Variants in SGCZ observed in about 807,000 individuals in gnomAD.
SGCZ encodes the protein sarcoglycan zeta.
In SGCZ, 40 loss-of-function variants were observed where a neutral mutation model predicts 41.3. The ratio of observed to expected loss-of-function variants is 0.97; its 90% CI spans 0.75 to 1.26. The LOEUF (loss-of-function observed/expected upper bound fraction) is 1.26. Ranked by LOEUF, SGCZ falls within the 50% of genes most tolerant of loss-of-function variation. SGCZ has a pLI of 0.00. For synonymous variants in SGCZ, 206 were observed against 137.5 expected, an observed-to-expected ratio of 1.50 and a Z score of -3.49; for missense variants, 552 against 369.8, an observed-to-expected ratio of 1.49 and a Z score of -4.04.
intron 1 of SGCZ, among the ~76,000 whole-genome samples, chr8:14,816,891 C>T (rs937370901): frequency 1.3e-5 from 2 of 152,160 alleles, no homozygotes; most frequent in Non-Finnish European, 2.9e-5. Context: ...TCCATGTCTG[C>T]ACTTATCAAT....
chr8:14,725,148 T>G (rs561749884), intron 1 of SGCZ, among the ~76,000 whole-genome samples: 19 of 152,298 alleles, frequency 1.2e-4, no homozygotes, highest in Admixed American at 2.6e-4. Flanking sequence ...GCTGTCCAAT[T>G]CCATCCATGG....
chr8:14,322,238 C>T (rs1801945715), intron 3 of SGCZ, among the ~76,000 whole-genome samples: 3 of 152,052 alleles, frequency 2.0e-5, no homozygotes, highest in African/African-American at 4.8e-5. Context: ...AATGTGCCTG[C>T]CCATGCTTCC....
chr8:14,505,992 A>T (rs921834827), intron 2 of SGCZ, among the ~76,000 whole-genome samples: 2 of 152,028 alleles, frequency 1.3e-5, no homozygotes, highest in Non-Finnish European at 2.9e-5. Flanking sequence ...CAAACTTCCA[A>T]ACATACTTTC....
chr8:14,964,791 C>A (rs997989054), intron 1 of SGCZ, among the ~76,000 whole-genome samples: 6 of 152,096 alleles, frequency 3.9e-5, no homozygotes, highest in African/African-American at 9.7e-5. Context: ...TCCCATAGTT[C>A]TGAATGAGGA....
rs10108151 is a variant in SGCZ, at chr8:14,281,014, A to G, written c.336+43089T>C. Among the ~76,000 whole-genome samples, 15 of 151,646 alleles carry G rather than the reference A, an allele frequency of 9.9e-5. No homozygotes were observed. The South Asian group carries it at 1.9e-3, about 19-fold the overall frequency. Reference sequence around the variant, plus strand: ...ATAGCATTTCAGATCAGACAAATTTATTTCCCTGCTAATCTATATACTTCA... The same window carrying G: ...ATAGCATTTCAGATCAGACAAATTTGTTTCCCTGCTAATCTATATACTTCA... On this transcript the variant is annotated intron_variant, in intron 3 of 7. Coordinates refer to ENST00000382080, the MANE Select transcript of SGCZ (RefSeq NM_139167.4).
intron 1 of SGCZ, among the ~76,000 whole-genome samples, chr8:14,945,802 G>C (rs998927049): frequency 2.0e-5 from 3 of 150,620 alleles, no homozygotes; most frequent in African/African-American, 7.3e-5. Flanking sequence ...CCAGCCTTTG[G>C]ACTCAGGAAC....
intron 1 of SGCZ, among the ~76,000 whole-genome samples, chr8:14,645,384 T>C (rs1484458304): frequency 6.7e-6 from 1 of 149,752 alleles, no homozygotes; most frequent in Non-Finnish European, 1.5e-5. Context: ...TAACACATGC[T>C]GGCGTCCTCT....
chr8:14,102,591 A>G (rs776360527), intron 6 of SGCZ, 92 bp from the exon 7 acceptor site: 143 of 1,141,864 alleles, frequency 1.3e-4, no homozygotes, highest in Non-Finnish European at 1.5e-4. Context: ...CTAGAAGACA[A>G]CATTGGTCAA....
chr8:15,137,585 G>A (rs1563145280), intron 1 of SGCZ, among the ~76,000 whole-genome samples: 1 of 152,282 alleles, frequency 6.6e-6, no homozygotes, highest in East Asian at 1.9e-4. Flanking sequence ...TGTCCCAGAT[G>A]CTCCAGACTT....
intron 1 of SGCZ, among the ~76,000 whole-genome samples, chr8:14,838,683 G>A (rs1802789859): frequency 6.6e-6 from 1 of 152,094 alleles, no homozygotes; most frequent in African/African-American, 2.4e-5. Flanking sequence ...GACCAAAACT[G>A]GACCCTTTCC....
chr8:15,007,040 G>C (rs1802629264), intron 1 of SGCZ, among the ~76,000 whole-genome samples: 2 of 152,158 alleles, frequency 1.3e-5, no homozygotes, highest in African/African-American at 4.8e-5. Context: ...TTAGTACTTA[G>C]ACTAGTATAT....
intron 1 of SGCZ, among the ~76,000 whole-genome samples, chr8:14,909,680 G>T (rs920708141): frequency 2.0e-5 from 3 of 151,922 alleles, no homozygotes; most frequent in African/African-American, 7.3e-5. Context: ...TTAATTATAA[G>T]GCATAGTTCT....
chr8:14,632,535 C>A (rs1164244815), intron 1 of SGCZ, among the ~76,000 whole-genome samples: 1 of 152,004 alleles, frequency 6.6e-6, no homozygotes, highest in Non-Finnish European at 1.5e-5. Flanking sequence ...AAATGTGTAT[C>A]CCTACATTGA....
At chr8:14,914,744 T>C (rs1799377096) in intron 1 of SGCZ, among the ~76,000 whole-genome samples, 1 of 152,182 alleles carries the variant, frequency 6.6e-6, no homozygotes, top group South Asian at 2.1e-4. Context: ...AAACAGATGT[T>C]CCACAAATAC....
intron 2 of SGCZ, among the ~76,000 whole-genome samples, chr8:14,441,442 G>T (rs1800261540): frequency 6.6e-6 from 1 of 152,120 alleles, no homozygotes; most frequent in Non-Finnish European, 1.5e-5. Flanking sequence ...GGGCGTGGTG[G>T]CACGCACGGG....
Position 14,601,916 on chromosome 8 carries a change from C to A in SGCZ, c.40-46990G>T, listed in dbSNP as rs574527817. 2.0e-5 allele frequency among the ~76,000 whole-genome samples: 3 copies of A among 152,062 alleles called. No individual in the cohort carries two copies. In the South Asian group the frequency reaches 6.2e-4, roughly 32 times the overall value. On this transcript the variant is annotated intron_variant, in intron 1 of 7. Transcript: ENST00000382080. ...CGGGCGGATCACGAGGTCAGGAGATCGAGACCATCCGGGCTAACACGGTGA... is the reference window on the plus strand; with the variant it reads ...CGGGCGGATCACGAGGTCAGGAGATAGAGACCATCCGGGCTAACACGGTGA...
intron 2 of SGCZ, among the ~76,000 whole-genome samples, chr8:14,460,937 A>G (rs564822132): frequency 7.9e-5 from 12 of 152,296 alleles, no homozygotes; most frequent in South Asian, 2.1e-4. Context: ...TCAGACATCT[A>G]TAACTGAATC....
rs894682914 is a variant in SGCZ, at chr8:15,184,451, G to C, written c.39+53134C>G. On this transcript the variant is annotated intron_variant, in intron 1 of 7. Coordinates refer to ENST00000382080, the MANE Select transcript of SGCZ (RefSeq NM_139167.4). ...AAATGCTTCCTTCTGTGGCAAATCTGAGAAGTTGTATCGGGCATGAGTTTC... is the reference window on the plus strand; with the variant it reads ...AAATGCTTCCTTCTGTGGCAAATCTCAGAAGTTGTATCGGGCATGAGTTTC... Among the ~76,000 whole-genome samples, 4 of 152,162 alleles carry C rather than the reference G, an allele frequency of 2.6e-5. No homozygotes were observed. The East Asian group carries it at 7.7e-4, about 29-fold the overall frequency.
At chr8:15,045,614 C>T (rs1436342634) in intron 1 of SGCZ, among the ~76,000 whole-genome samples, 1 of 152,074 alleles carries the variant, frequency 6.6e-6, no homozygotes, top group East Asian at 1.9e-4. Context: ...GCCAGCAAAG[C>T]ACATTTGTTT....
Sources: allele counts gnomAD v4.1 joint callset (sites outside exome capture counted in the v4.1 genomes callset), GRCh38; gene constraint gnomAD v4.1.1; transcripts MANE v1.5; gene names NCBI Gene and HGNC (gene_info 2026-07-23, HGNC 2026-07-21).